The following ARSB variants were observed in gnomAD, a reference collection of about 807,000 sequenced individuals.
ARSB encodes the protein N-acetylgalactosamine-4-sulfatase.
ARSB carries 41 observed loss-of-function variants against 50.9 expected under a neutral mutation model. The observed-to-expected ratio is 0.81, with a 90% CI of 0.63 to 1.04. ARSB has a LOEUF of 1.04. ARSB is among the 50% of genes least tolerant of loss of function. ARSB has a pLI of 0.00. For missense variants in ARSB, 672 were observed against 693.3 expected (o/e 0.97, Z 0.35); for synonymous variants, 269 against 284.8 (o/e 0.94, Z 0.56).
chr5:78,872,837 A>C (rs949733760), intron 5 of ARSB, among the ~76,000 whole-genome samples: 1 of 150,802 alleles, frequency 6.6e-6, no homozygotes, highest in South Asian at 2.1e-4. Flanking sequence ...AAAAAAAGAA[A>C]GGGGCTACAT....
chr5:78,912,654 T>C (rs1749358388), intron 4 of ARSB, among the ~76,000 whole-genome samples: 1 of 152,144 alleles, frequency 6.6e-6, no homozygotes. Context: ...ACTGCAACAT[T>C]AACATTTTGC....
At chr5:78,808,593 G>A (rs571894845) in intron 6 of ARSB, among the ~76,000 whole-genome samples, 1 of 152,248 alleles carries the variant, frequency 6.6e-6, no homozygotes, top group South Asian at 2.1e-4. Context: ...GGCACATCCT[G>A]TACTGGGTGG....
chr5:78,792,215 C>T (rs2112633004), intron 6 of ARSB, among the ~76,000 whole-genome samples: 1 of 151,948 alleles, frequency 6.6e-6, no homozygotes, highest in African/African-American at 2.4e-5. Context: ...CCCATCTCTA[C>T]TAAAAATACA....
intron 4 of ARSB, among the ~76,000 whole-genome samples, chr5:78,945,454 T>TA (rs1284625337): frequency 2.0e-5 from 3 of 152,206 alleles, no homozygotes; most frequent in African/African-American, 7.2e-5. Flanking sequence ...TCTGTCCTCT[T>TA]ATCTCCATCC....
rs1343058035 is a variant in ARSB at position 78,887,333 on chromosome 5, C to G, written c.899-1506G>C. 2.0e-5 allele frequency among the ~76,000 whole-genome samples: 3 copies of G among 152,126 alleles called. No homozygotes were observed. The East Asian group carries it at 5.8e-4, about 29-fold the overall frequency. Reference sequence around the variant, plus strand: ...GAGCCTCACTTTATAACAACCCACTCTCATGGCGACTAATCCATTCCCTTG... The same window carrying G: ...GAGCCTCACTTTATAACAACCCACTGTCATGGCGACTAATCCATTCCCTTG... On this transcript the variant is annotated intron_variant, in intron 4 of 7. Transcript: ENST00000264914.
chr5:78,942,228 A>C (rs985772234), intron 4 of ARSB, among the ~76,000 whole-genome samples: 1 of 152,168 alleles, frequency 6.6e-6, no homozygotes, highest in Non-Finnish European at 1.5e-5. Flanking sequence ...CTTTTCAAAA[A>C]ACCAGCTCCT....
chr5:78,892,248 CTT>C (rs34960858), intron 4 of ARSB, among the ~76,000 whole-genome samples: 4,676 of 86,362 alleles, frequency 0.054, 47 homozygotes, highest in African/African-American at 0.19. Flanking sequence ...ATTCTCTATT[CTT>C]TTTTTTTTTT....
chr5:78,984,979 C>T lies in ARSB; in HGVS notation c.270G>A (p.Leu90=). 1.3e-6 allele frequency: 2 copies of T among 1,520,084 alleles called. No homozygotes were observed. Among genetic ancestry groups the T allele is most frequent in the Non-Finnish European group, 1.8e-6 (2 of 1,136,106 alleles). 94.2% of individuals were successfully genotyped at this position (1,520,084 alleles called of 1,614,324 possible). Residue 90 remains leucine (L), a synonymous_variant, in exon 1 of 8, where the codon CTG becomes CTA. Transcript: ENST00000264914. ...GCAGCTGGCTCCGCGACGGCGTGCA[C>T]AGCGGCTGCGTGTAGTAGTTGTCCA... is the stretch of plus-strand genomic sequence containing the variant. ...VLLDNYYTQP[L]CTPSRSQLLT...
In ARSB at chr5:78,939,414, A is replaced by C. The variant is rs535718162; in HGVS notation, c.898+15881T>G. On this transcript the variant is annotated intron_variant, in intron 4 of 7. Transcript: ENST00000264914. ...TCATTTAGCATTAGGTATATCTCCTAATGCTATCCCTCACCCCTTCCCCCG... is the reference window on the plus strand; with the variant it reads ...TCATTTAGCATTAGGTATATCTCCTCATGCTATCCCTCACCCCTTCCCCCG... Among the ~76,000 whole-genome samples, 7 of 152,020 alleles carry C rather than the reference A, an allele frequency of 4.6e-5. No individual in the cohort carries two copies. The South Asian group carries it at 1.5e-3, about 32-fold the overall frequency.
chr5:78,898,570 C>T (rs1350799332), intron 4 of ARSB, among the ~76,000 whole-genome samples: 1 of 152,154 alleles, frequency 6.6e-6, no homozygotes, highest in Non-Finnish European at 1.5e-5. Flanking sequence ...TTTTCTATTA[C>T]CACACACTTA....
At position 78,905,344 on chromosome 5, in the gene ARSB, G is replaced by GTTTTTTTTTTTTTTTT. The variant is rs60622885; in HGVS notation, c.899-19518_899-19517insAAAAAAAAAAAAAAAA. Among the ~76,000 whole-genome samples the GTTTTTTTTTTTTTTTT allele has an allele frequency of 3.3e-4, 43 of 130,538 alleles. 3 individuals carry two copies. Among genetic ancestry groups the GTTTTTTTTTTTTTTTT allele is most frequent in the East Asian group, 1.0e-3 (4 of 3,934 alleles). The allele number at this position is 130,538 out of a possible 152,430, so 85.6% of individuals were successfully genotyped here. ...CCTTGAGTACTGCTCGTATTTTCCT[G>GTTTTTTTTTTTTTTTT]TTTTTTTTTTTTTGTATAATGAGTA... is the stretch of plus-strand genomic sequence containing the variant. On this transcript the variant is annotated intron_variant, in intron 4 of 7. Coordinates refer to ENST00000264914, the MANE Select transcript of ARSB (RefSeq NM_000046.5).
chr5:78,942,560 C>T (rs918752199), intron 4 of ARSB, among the ~76,000 whole-genome samples: 4 of 152,270 alleles, frequency 2.6e-5, no homozygotes, highest in African/African-American at 7.2e-5. Flanking sequence ...CACTCAGGAG[C>T]GGGTTGTTCG....
chr5:78,784,500 T>C (rs1749025687), intron 6 of ARSB, among the ~76,000 whole-genome samples: 1 of 151,838 alleles, frequency 6.6e-6, no homozygotes. Context: ...CAAAAAAGAG[T>C]TTGTTGGTAA....
chr5:78,922,909 A>G (rs1749893087), intron 4 of ARSB, among the ~76,000 whole-genome samples: 1 of 152,024 alleles, frequency 6.6e-6, no homozygotes, highest in Non-Finnish European at 1.5e-5. Flanking sequence ...GGCATGAACC[A>G]CCGCACCTGG....
At position 78,778,520 on chromosome 5, in the gene ARSB, C is replaced by T. The variant is rs542037618; in HGVS notation, c.*1877G>A. 1.3e-5 allele frequency: 2 copies of T among 152,170 alleles called. No homozygotes were observed. Among genetic ancestry groups the T allele is most frequent in the Admixed American group, 6.5e-5 (1 of 15,280 alleles). The allele number at this position is 152,170 out of a possible 1,614,324, so 9.4% of individuals were successfully genotyped here. A position where few individuals can be genotyped will look rare whatever the true frequency, so the allele number is the denominator to read the frequency against. On this transcript the variant is annotated 3_prime_UTR_variant, in exon 8 of 8. Transcript: ENST00000264914. ...GTAGGCACAGTTCCTTTTCTCCCCC[C>T]ACTGGAGAGGACGCTACAACCTTGC...
intron 6 of ARSB, 39 bp from the exon 7 acceptor site, chr5:78,782,013 T>C (rs1336815252): frequency 2.5e-6 from 4 of 1,613,414 alleles, no homozygotes; most frequent in Non-Finnish European, 3.4e-6. Flanking sequence ...ATCACTGTTA[T>C]TGGAACGTGT....
intron 4 of ARSB, among the ~76,000 whole-genome samples, chr5:78,917,683 T>G (rs1011979772): frequency 2.0e-5 from 3 of 152,144 alleles, no homozygotes; most frequent in African/African-American, 7.2e-5. Flanking sequence ...CAGCTAATTT[T>G]TATGTTTTCA....
rs1749232004 is a variant in ARSB, at chr5:78,791,393, T to C, written c.1214-9419A>G. ...CTTATTTACGCTAAAGTTCAGTTTA[T>C]ACTAAACATCTGATTGGCTGACCAC... On this transcript the variant is annotated intron_variant, in intron 6 of 7. Transcript: ENST00000264914. Among the ~76,000 whole-genome samples the C allele has an allele frequency of 2.6e-5, 4 of 152,246 alleles. 1 individual carries two copies. In the South Asian group the frequency reaches 6.2e-4, roughly 24 times the overall value.
In ARSB at chr5:78,830,252, C is replaced by T. The variant is rs569342939; in HGVS notation, c.1213+9104G>A. On this transcript the variant is annotated intron_variant, in intron 6 of 7. Coordinates refer to ENST00000264914, the MANE Select transcript of ARSB (RefSeq NM_000046.5). ...GTAACCCTGGGGAAAAAAAAACAAA[C>T]GCTGATGTACAAATGGAGTTATGGG... Among the ~76,000 whole-genome samples, 14 of 152,202 alleles carry T rather than the reference C, an allele frequency of 9.2e-5. No individual in the cohort carries two copies. The East Asian group carries it at 2.1e-3, about 23-fold the overall frequency.
Sources: allele counts gnomAD v4.1 joint callset (sites outside exome capture counted in the v4.1 genomes callset), GRCh38; gene constraint gnomAD v4.1.1; transcripts MANE v1.5; gene names NCBI Gene and HGNC (gene_info 2026-07-23, HGNC 2026-07-21).